The following AASDH variants were observed in gnomAD, a reference collection of about 807,000 sequenced individuals.
AASDH encodes the protein aminoadipate-semialdehyde dehydrogenase, also known as beta-alanine-activating enzyme.
A neutral mutation model predicts 102.3 loss-of-function variants in AASDH; 81 were observed. That is an observed-to-expected ratio of 0.79 (90% CI 0.66 to 0.95). The LOEUF is 0.95. Ranked by LOEUF, AASDH falls within the 40% of genes least tolerant of loss-of-function variation. AASDH has a pLI of 0.00. For missense variants in AASDH, 1,203 were observed against 1,266.2 expected, an observed-to-expected ratio of 0.95 and a Z score of 0.76; for synonymous variants, 398 against 454.0, an observed-to-expected ratio of 0.88 and a Z score of 1.57.
At chr4:56,381,268 T>C (rs957549382) in intron 3 of AASDH, among the ~76,000 whole-genome samples, 1 of 152,192 alleles carries the variant, frequency 6.6e-6, no homozygotes, top group Non-Finnish European at 1.5e-5. Flanking sequence ...AAGTAATTAT[T>C]TTAAAAATAT....
In AASDH at chr4:56,366,127, G is replaced by A. The variant is rs1375484355; in HGVS notation, c.861+5324C>T. Among the ~76,000 whole-genome samples, 7 of 152,190 alleles carry A rather than the reference G, an allele frequency of 4.6e-5. No individual in the cohort carries two copies. In the South Asian group the frequency reaches 1.4e-3, roughly 32 times the overall value. ...ATAAACTAGAAAATCTGGAAGAAAT[G>A]GATAAGTTCCTCAACACATACACCC... On this transcript the variant is annotated intron_variant, in intron 5 of 14. Transcript: ENST00000205214.
At chr4:56,357,415 C>T (rs569726998) in intron 5 of AASDH, among the ~76,000 whole-genome samples, 16 of 152,174 alleles carry the variant, frequency 1.1e-4, no homozygotes, top group Admixed American at 5.2e-4. Context: ...CTCCTGAAGG[C>T]CCCACATCTT....
intron 5 of AASDH, chr4:56,356,909 A>C (rs1272486115): frequency 1.3e-5 from 12 of 920,360 alleles, no homozygotes; most frequent in South Asian, 6.5e-5. Flanking sequence ...AACGCTAAAG[A>C]ACCTGCCACT....
intron 5 of AASDH, among the ~76,000 whole-genome samples, chr4:56,359,629 G>A (rs571690445): frequency 2.4e-4 from 36 of 148,144 alleles, no homozygotes; most frequent in South Asian, 1.3e-3. Flanking sequence ...CACAATCTTG[G>A]CTCACTGCAA....
intron 5 of AASDH, among the ~76,000 whole-genome samples, chr4:56,360,264 A>G (rs138142153): frequency 4.9e-4 from 74 of 152,264 alleles, no homozygotes; most frequent in African/African-American, 1.6e-3. Flanking sequence ...CATGAGTGCA[A>G]CCTCAGCCAG....
In AASDH at chr4:56,366,236, C is replaced by A. The variant is rs144182055; in HGVS notation, c.861+5215G>T. Among the ~76,000 whole-genome samples the A allele has an allele frequency of 1.5e-4, 23 of 152,080 alleles. 2 individuals carry two copies. Among genetic ancestry groups the A allele is most frequent in the Admixed American group, 1.2e-3 (18 of 15,260 alleles). On this transcript the variant is annotated intron_variant, in intron 5 of 14. Transcript: ENST00000205214. Reference sequence around the variant, plus strand: ...AATTGAGGCAATAATTAATAGCCTACGAACCAAAAAAAGTCCAGGACCAGG... The same window carrying A: ...AATTGAGGCAATAATTAATAGCCTAAGAACCAAAAAAAGTCCAGGACCAGG...
chr4:56,368,265 T>C (rs937602184), intron 5 of AASDH, among the ~76,000 whole-genome samples: 33 of 152,154 alleles, frequency 2.2e-4, no homozygotes, highest in South Asian at 4.1e-4. Flanking sequence ...TTTTACACTG[T>C]TGGTGGGACT....
At chr4:56,363,091 C>T (rs1329875325) in intron 5 of AASDH, among the ~76,000 whole-genome samples, 4 of 152,244 alleles carry the variant, frequency 2.6e-5, no homozygotes, top group Non-Finnish European at 4.4e-5. Context: ...ACACCTGGCT[C>T]GGAGGGTCCT....
intron 4 of AASDH, among the ~76,000 whole-genome samples, chr4:56,376,012 C>G (rs934055216): frequency 4.1e-5 from 6 of 147,116 alleles, no homozygotes; most frequent in African/African-American, 1.5e-4. Flanking sequence ...GCCTCTAAAC[C>G]GCTCATCTTT....
At chr4:56,383,656 C>T (rs946401760) in intron 2 of AASDH, among the ~76,000 whole-genome samples, 1 of 152,090 alleles carries the variant, frequency 6.6e-6, no homozygotes, top group Admixed American at 6.5e-5. Flanking sequence ...CAACTATTAT[C>T]CAAAACTCTA....
intron 11 of AASDH, among the ~76,000 whole-genome samples, chr4:56,346,866 A>C (rs770589863): frequency 9.7e-4 from 147 of 152,064 alleles, no homozygotes; most frequent in Non-Finnish European, 1.5e-3. Context: ...AACACACAGA[A>C]GCTCTGTCTC....
chr4:56,363,621 T>C (rs935143002), intron 5 of AASDH, among the ~76,000 whole-genome samples: 1 of 152,116 alleles, frequency 6.6e-6, no homozygotes, highest in Non-Finnish European at 1.5e-5. Context: ...GGGTCTGGAG[T>C]GGACCTCCAG....
rs373332125 is a variant in AASDH at position 56,343,480 on chromosome 4, C to T, written c.2775+82G>A. 685 of 1,179,702 alleles carry T rather than the reference C, an allele frequency of 5.8e-4. 1 individual carries two copies. The African/African-American group carries it at 9.9e-3, about 17-fold the overall frequency. 73.1% of individuals were successfully genotyped at this position (1,179,702 alleles called of 1,614,324 possible). On this transcript the variant is annotated intron_variant, in intron 13 of 14. Transcript: ENST00000205214. ...GACTACTACAATTAACTGAAAACTA[C>T]TCAAACTTTCAAAGCTCAAAGCAAA...
chr4:56,361,396 A>G (rs1036929371), intron 5 of AASDH, among the ~76,000 whole-genome samples: 1 of 152,048 alleles, frequency 6.6e-6, no homozygotes, highest in African/African-American at 2.4e-5. Flanking sequence ...GTGACAGAGT[A>G]AGATTCCATC....
intron 5 of AASDH, among the ~76,000 whole-genome samples, chr4:56,366,091 C>A (rs764077056): frequency 6.6e-6 from 1 of 152,194 alleles, no homozygotes; most frequent in Admixed American, 6.5e-5. Flanking sequence ...ACTATAAACA[C>A]CTCTATGCAA....
intron 11 of AASDH, among the ~76,000 whole-genome samples, chr4:56,346,856 A>C (rs950945885): frequency 3.9e-5 from 6 of 151,952 alleles, no homozygotes; most frequent in African/African-American, 1.5e-4. Context: ...CAGCGTGGAC[A>C]ACACACAGAA....
chr4:56,358,340 T>A (rs1369649484), intron 5 of AASDH, among the ~76,000 whole-genome samples: 2 of 151,490 alleles, frequency 1.3e-5, no homozygotes, highest in Non-Finnish European at 2.9e-5. Flanking sequence ...TATCTTTAGT[T>A]TTTTTCCTTC....
chr4:56,345,397 C>T, intron 11 of AASDH, 107 bp from the exon 12 acceptor site: 1 of 1,057,854 alleles, frequency 9.5e-7, no homozygotes, highest in Non-Finnish European at 1.3e-6. Flanking sequence ...TATACATAGG[C>T]TCTATGATAA....
At chr4:56,339,732 T>C (rs1406979925) in intron 14 of AASDH, among the ~76,000 whole-genome samples, 2 of 134,476 alleles carry the variant, frequency 1.5e-5, no homozygotes, top group East Asian at 2.3e-4. Context: ...CCCTGGGCGA[T>C]AGTGAGACCT....
Sources: gnomAD v4.1 joint callset for allele counts (sites outside exome capture counted in the v4.1 genomes callset) on GRCh38, gnomAD v4.1.1 for gene constraint, MANE v1.5 for transcripts, NCBI Gene and HGNC (gene_info 2026-07-23, HGNC 2026-07-21) for gene names.